The following MDFIC2 variants were observed in gnomAD, a reference collection of about 807,000 sequenced individuals.
MDFIC2 encodes the protein MyoD family inhibitor domain containing 2.
intron 2 of MDFIC2, among the ~76,000 whole-genome samples, chr3:70,294,131 T>G (rs1422825031): frequency 1.3e-4 from 20 of 152,160 alleles, no homozygotes; most frequent in Admixed American, 7.2e-4. Context: ...TTTAGAAATG[T>G]CAGTTGTTCA....
chr3:70,217,604 T>C (rs1027558583), intron 2 of MDFIC2, among the ~76,000 whole-genome samples: 1 of 152,140 alleles, frequency 6.6e-6, no homozygotes, highest in African/African-American at 2.4e-5. Flanking sequence ...AAAACAGTTT[T>C]TCACTGTAAG....
intron 2 of MDFIC2, among the ~76,000 whole-genome samples, chr3:70,287,066 T>C (rs1175633602): frequency 6.9e-6 from 1 of 144,078 alleles, no homozygotes; most frequent in Non-Finnish European, 1.5e-5. Flanking sequence ...TCCTGCCTAA[T>C]TGCCCTGGCC....
chr3:70,233,606 A>G (rs1701581510), intron 2 of MDFIC2, among the ~76,000 whole-genome samples: 1 of 152,202 alleles, frequency 6.6e-6, no homozygotes, highest in Non-Finnish European at 1.5e-5. Context: ...CATTTCCATC[A>G]TACCCTCTGC....
chr3:70,222,145 CTT>C (rs955611661), intron 2 of MDFIC2, among the ~76,000 whole-genome samples: 7 of 152,142 alleles, frequency 4.6e-5, no homozygotes, highest in African/African-American at 1.7e-4. Context: ...TCTCCCCAGG[CTT>C]ACACAGGCAA....
At chr3:70,291,281 T>C (rs1702237073) in intron 2 of MDFIC2, 1 of 152,126 alleles carries the variant, frequency 6.6e-6, no homozygotes, top group Admixed American at 6.5e-5. Context: ...TTCTCATCTG[T>C]GAAATGGGAA....
At chr3:70,282,802 G>T (rs1454482166) in intron 2 of MDFIC2, among the ~76,000 whole-genome samples, 6 of 152,068 alleles carry the variant, frequency 3.9e-5, no homozygotes, top group Non-Finnish European at 2.9e-5. Context: ...AAATATCTAT[G>T]ACTGTTTGGT....
intron 2 of MDFIC2, among the ~76,000 whole-genome samples, chr3:70,311,043 T>A (rs959692109): frequency 7.9e-5 from 12 of 152,318 alleles, no homozygotes; most frequent in Admixed American, 7.2e-4. Context: ...ATAAACATTG[T>A]CAATGTTGAT....
chr3:70,210,948 T>A (rs1246366837), intron 2 of MDFIC2, among the ~76,000 whole-genome samples: 1 of 152,138 alleles, frequency 6.6e-6, no homozygotes, highest in Admixed American at 6.6e-5. Context: ...AGTACCCACA[T>A]GCAACAGATG....
chr3:70,280,112 C>T (rs926881855), intron 2 of MDFIC2, among the ~76,000 whole-genome samples: 3 of 152,104 alleles, frequency 2.0e-5, no homozygotes, highest in African/African-American at 7.2e-5. Context: ...CTATTTTTTG[C>T]CTCTTCCAGC....
At chr3:70,266,656 T>C (rs1209308493) in intron 2 of MDFIC2, among the ~76,000 whole-genome samples, 1 of 152,076 alleles carries the variant, frequency 6.6e-6, no homozygotes, top group Non-Finnish European at 1.5e-5. Context: ...ATGTTGCCCA[T>C]GCTGGTCTCA....
intron 2 of MDFIC2, chr3:70,302,802 A>G (rs1408641078): frequency 2.6e-5 from 4 of 152,206 alleles, no homozygotes; most frequent in Non-Finnish European, 5.9e-5. Flanking sequence ...TCATCTGGTC[A>G]TAGTCTGAAG....
intron 2 of MDFIC2, among the ~76,000 whole-genome samples, chr3:70,292,540 T>C (rs1188529174): frequency 6.6e-6 from 1 of 152,166 alleles, no homozygotes; most frequent in Non-Finnish European, 1.5e-5. Flanking sequence ...TGAGAGGCAT[T>C]AAAAAAGGAT....
intron 2 of MDFIC2, among the ~76,000 whole-genome samples, chr3:70,216,063 C>T (rs1372894528): frequency 6.6e-6 from 1 of 151,964 alleles, no homozygotes; most frequent in African/African-American, 2.4e-5. Context: ...ATAATTCTAC[C>T]ATTTTAAACA....
At chr3:70,212,027 C>T (rs1179526963) in intron 2 of MDFIC2, among the ~76,000 whole-genome samples, 7 of 152,114 alleles carry the variant, frequency 4.6e-5, no homozygotes, top group African/African-American at 1.4e-4. Flanking sequence ...ACTTTGTCCT[C>T]TTAGTTTCTT....
intron 2 of MDFIC2, among the ~76,000 whole-genome samples, chr3:70,261,701 T>C (rs1052684534): frequency 3.3e-5 from 5 of 152,168 alleles, no homozygotes; most frequent in African/African-American, 1.2e-4. Context: ...CAAGTTATCT[T>C]GCAGATGTAG....
intron 2 of MDFIC2, among the ~76,000 whole-genome samples, chr3:70,277,921 T>C (rs1026215896): frequency 2.6e-5 from 4 of 152,170 alleles, no homozygotes; most frequent in Non-Finnish European, 4.4e-5. Flanking sequence ...ACTGGCCAGA[T>C]TTCATTAGCC....
chr3:70,288,361 G>T (rs1702190349), intron 2 of MDFIC2, among the ~76,000 whole-genome samples: 1 of 133,170 alleles, frequency 7.5e-6, no homozygotes, highest in Non-Finnish European at 1.6e-5. Flanking sequence ...CCATGTAGTT[G>T]AGCGGTTTTG....
intron 2 of MDFIC2, among the ~76,000 whole-genome samples, chr3:70,252,857 A>G (rs1575607222): frequency 6.6e-6 from 1 of 152,048 alleles, no homozygotes; most frequent in East Asian, 1.9e-4. Context: ...AGGCAGGCAG[A>G]TCACCTGAGG....
chr3:70,290,713 C>T (rs1334628255), intron 2 of MDFIC2, among the ~76,000 whole-genome samples: 1 of 152,130 alleles, frequency 6.6e-6, no homozygotes, highest in African/African-American at 2.4e-5. Context: ...ATCAGTGAGA[C>T]TCCGTGGGCG....
Sources: gnomAD v4.1 joint callset for allele counts (sites outside exome capture counted in the v4.1 genomes callset) on GRCh38, gnomAD v4.1.1 for gene constraint, MANE v1.5 for transcripts, NCBI Gene and HGNC (gene_info 2026-07-23, HGNC 2026-07-21) for gene names.